EFR3A: variants seen among roughly 807,000 people sequenced by gnomAD.
EFR3A encodes EFR3 homolog A.
In EFR3A, 76 loss-of-function variants were observed where a neutral mutation model predicts 104.4. The observed-to-expected ratio is 0.73, with a 90% confidence interval of 0.60 to 0.88. EFR3A has a LOEUF of 0.88. Ranked by LOEUF, EFR3A falls within the 40% of genes least tolerant of loss-of-function variation. The pLI is 0.00. For synonymous variants in EFR3A, 330 were observed against 330.0 expected, an observed-to-expected ratio of 1.00 and a Z score of 0.00; for missense variants, 985 against 1,012.5, an observed-to-expected ratio of 0.97 and a Z score of 0.37.
At chr8:131,941,378 C>T (rs957605889) in intron 2 of EFR3A, among the ~76,000 whole-genome samples, 1 of 151,826 alleles carries the variant, frequency 6.6e-6, no homozygotes, top group African/African-American at 2.4e-5. Flanking sequence ...CCAAAATTTG[C>T]TTTATTTTAA....
intron 16 of EFR3A, among the ~76,000 whole-genome samples, chr8:131,985,867 A>G (rs1407155788): frequency 2.0e-5 from 3 of 152,226 alleles, no homozygotes; most frequent in Admixed American, 1.3e-4. Context: ...TGATTTGTAA[A>G]GCGATTTCCA....
At chr8:131,914,960 A>G (rs541429830) in intron 1 of EFR3A, among the ~76,000 whole-genome samples, 19 of 152,256 alleles carry the variant, frequency 1.2e-4, no homozygotes, top group Admixed American at 2.6e-4. Context: ...CTCCAGCTCC[A>G]TCTGTTCCCA....
rs918846453 is a variant in EFR3A at position 131,997,813 on chromosome 8, C to T, written c.2157+1316C>T. Among the ~76,000 whole-genome samples the T allele has an allele frequency of 1.1e-4, 16 of 152,094 alleles. 1 individual carries two copies. The highest frequency in any genetic ancestry group is 3.9e-4 in the African/African-American group (16 of 41,542). On this transcript the variant is annotated intron_variant, in intron 19 of 22. Coordinates refer to ENST00000254624, the MANE Select transcript of EFR3A (RefSeq NM_015137.6). ...TATTGACTGGTATTTTCACCTTTCT[C>T]CTTTTGTTAACTATTCTTACTTCTT...
At chr8:131,922,820 A>G (rs1488882612) in intron 1 of EFR3A, among the ~76,000 whole-genome samples, 1 of 151,980 alleles carries the variant, frequency 6.6e-6, no homozygotes, top group Non-Finnish European at 1.5e-5. Context: ...AAATTCTTAG[A>G]TTGGTTTTGG....
intron 17 of EFR3A, among the ~76,000 whole-genome samples, chr8:131,986,521 C>T (rs1820891384): frequency 1.3e-5 from 2 of 152,068 alleles, no homozygotes; most frequent in African/African-American, 2.4e-5. Flanking sequence ...CAGTGGTTCA[C>T]GCCTGTAATC....
At chr8:131,944,978 A>G in intron 3 of EFR3A, 106 bp downstream of exon 3, 2 of 1,226,970 alleles carry the variant, frequency 1.6e-6, no homozygotes, top group Non-Finnish European at 2.3e-6. Context: ...AAGATAATAT[A>G]TAGAGGATAA....
chr8:132,008,341 A>G (rs1413429819), intron 22 of EFR3A, among the ~76,000 whole-genome samples: 1 of 152,096 alleles, frequency 6.6e-6, no homozygotes. Context: ...AATTTAAGAT[A>G]CCATTTTGTG....
intron 17 of EFR3A, among the ~76,000 whole-genome samples, chr8:131,986,741 C>T (rs1236500949): frequency 1.4e-5 from 2 of 146,644 alleles, no homozygotes; most frequent in African/African-American, 5.0e-5. Flanking sequence ...GCCAAGATCA[C>T]ACCACTGCAC....
At chr8:132,002,393 C>G (rs1821826364) in intron 20 of EFR3A, among the ~76,000 whole-genome samples, 1 of 152,044 alleles carries the variant, frequency 6.6e-6, no homozygotes, top group African/African-American at 2.4e-5. Context: ...TAGTTTTAAC[C>G]CTTAGATTTT....
At chr8:131,933,223 G>T (rs1328785100) in intron 1 of EFR3A, among the ~76,000 whole-genome samples, 1 of 151,996 alleles carries the variant, frequency 6.6e-6, no homozygotes, top group Non-Finnish European at 1.5e-5. Flanking sequence ...TGTAGATTGG[G>T]ACACCGGGGC....
chr8:131,966,995 T>C (rs1041948961), intron 8 of EFR3A, among the ~76,000 whole-genome samples: 9 of 152,160 alleles, frequency 5.9e-5, no homozygotes, highest in Non-Finnish European at 1.0e-4. Context: ...TTTATAATTA[T>C]TGATAATACC....
chr8:131,974,058 T>G lies in EFR3A; in HGVS notation c.1160-1969T>G, dbSNP rs1169235341. The stretch of plus-strand genomic sequence containing the variant: ...GGGAGACAAAAATAAGAGTTTTTCC[T>G]TAGGACAGTGGTTCTTAACTTTGTT... On this transcript the variant is annotated intron_variant, in intron 10 of 22. Transcript: ENST00000254624. Among the ~76,000 whole-genome samples, 3 of 152,304 alleles carry G rather than the reference T, an allele frequency of 2.0e-5. No individual in the cohort carries two copies. The East Asian group carries it at 5.8e-4, about 29-fold the overall frequency.
chr8:131,912,084 A>G (rs1195634903), intron 1 of EFR3A, among the ~76,000 whole-genome samples: 1 of 152,194 alleles, frequency 6.6e-6, no homozygotes, highest in Admixed American at 6.5e-5. Flanking sequence ...ACTGAGAGAC[A>G]GGAAGGCAGG....
At chr8:131,989,970 G>A (rs551345161) in intron 18 of EFR3A, among the ~76,000 whole-genome samples, 38 of 152,326 alleles carry the variant, frequency 2.5e-4, no homozygotes, top group South Asian at 6.2e-4. Context: ...CCTGTGCCAA[G>A]TACTGCTTTG....
At chr8:131,908,125 A>G (rs28718815) in intron 1 of EFR3A, among the ~76,000 whole-genome samples, 57,349 of 150,660 alleles carry the variant, frequency 0.38, 11,162 homozygotes, top group East Asian at 0.61. Flanking sequence ...CAGTGGTGAG[A>G]TCTCTGTTCA....
intron 4 of EFR3A, among the ~76,000 whole-genome samples, chr8:131,947,348 C>G (rs1230857534): frequency 6.6e-6 from 1 of 151,932 alleles, no homozygotes; most frequent in African/African-American, 2.4e-5. Flanking sequence ...TCCTTTCCCT[C>G]CTTTTTTCAA....
chr8:131,924,890 T>A (rs1287185212), intron 1 of EFR3A, among the ~76,000 whole-genome samples: 1 of 152,132 alleles, frequency 6.6e-6, no homozygotes, highest in East Asian at 1.9e-4. Flanking sequence ...TATAGGTGGG[T>A]CCTTCTATTC....
chr8:132,007,091 T>C (rs963830317), intron 22 of EFR3A, among the ~76,000 whole-genome samples: 1 of 151,846 alleles, frequency 6.6e-6, no homozygotes, highest in Admixed American at 6.6e-5. Flanking sequence ...TAAAACTGGG[T>C]CAAGGATGTC....
At chr8:131,919,451 G>T (rs1342109180) in intron 1 of EFR3A, among the ~76,000 whole-genome samples, 2 of 151,974 alleles carry the variant, frequency 1.3e-5, no homozygotes, top group Non-Finnish European at 2.9e-5. Flanking sequence ...CAAAAAATTA[G>T]CCGGGTATGG....
Sources: gnomAD v4.1 joint callset for allele counts (sites outside exome capture counted in the v4.1 genomes callset) on GRCh38, gnomAD v4.1.1 for gene constraint, MANE v1.5 for transcripts, NCBI Gene and HGNC (gene_info 2026-07-23, HGNC 2026-07-21) for gene names.